The following RTL9 variants were observed in gnomAD, a reference collection of about 807,000 sequenced individuals.
The protein encoded by RTL9 is retrotransposon Gag-like protein 9.
Under a neutral mutation model 44.7 loss-of-function variants are expected in RTL9, and 19 were observed. The ratio of observed to expected loss-of-function variants is 0.42; its 90% CI spans 0.30 to 0.62. RTL9 has a LOEUF of 0.62. Ranked by LOEUF, RTL9 falls within the 20% of genes least tolerant of loss-of-function variation. RTL9 has a pLI of 0.16. For missense variants in RTL9, 1,105 were observed against 1,080.6 expected (o/e 1.02, Z -0.32); for synonymous variants, 407 against 398.9 (o/e 1.02, Z -0.24).
chrX:110,408,671 C>T (rs767058770), intron 1 of RTL9, among the ~76,000 whole-genome samples: 1 of 112,235 alleles, frequency 8.9e-6, no homozygotes, highest in African/African-American at 3.2e-5. Context: ...ATCATGTCAA[C>T]AATTGTGATG....
intron 1 of RTL9, among the ~76,000 whole-genome samples, chrX:110,408,317 C>G (rs981611284): frequency 8.9e-6 from 1 of 111,844 alleles, no homozygotes; most frequent in East Asian, 2.8e-4. Context: ...TGGTGGCTCT[C>G]AACTGAGACA....
chrX:110,401,471 C>A (rs958240501), intron 1 of RTL9, among the ~76,000 whole-genome samples: 1 of 111,745 alleles, frequency 8.9e-6, no homozygotes, highest in African/African-American at 3.3e-5. Flanking sequence ...CTGCCTTAAC[C>A]TAACCTTTTC....
exon 1 of RTL9, chrX:110,453,937 C>T (rs1418349404): frequency 2.5e-6 from 3 of 1,210,400 alleles, no homozygotes; most frequent in East Asian, 3.0e-5. Context: ...GAGGCATCCA[C>T]CTCTCACATT....
intron 1 of RTL9, among the ~76,000 whole-genome samples, chrX:110,380,323 A>T (rs775327005): frequency 9.1e-6 from 1 of 109,410 alleles, no homozygotes; most frequent in Admixed American, 9.6e-5. Flanking sequence ...GAGCCAAATC[A>T]AGAATGCAAT....
upstream of RTL9, among the ~76,000 whole-genome samples, chrX:110,415,735 C>T (rs2068672749): frequency 9.0e-6 from 1 of 111,421 alleles, no homozygotes; most frequent in Non-Finnish European, 1.9e-5. Context: ...AGCTGGGCCG[C>T]AAACAAAGAT....
intron 1 of RTL9, among the ~76,000 whole-genome samples, chrX:110,405,413 C>T (rs1020444279): frequency 6.3e-5 from 7 of 111,372 alleles, no homozygotes; most frequent in African/African-American, 2.3e-4. Context: ...AGGTATGGAA[C>T]TTTTGGAGAA....
At chrX:110,431,208 A>G (rs2068793543) in intron 1 of RTL9, among the ~76,000 whole-genome samples, 1 of 111,839 alleles carries the variant, frequency 8.9e-6, no homozygotes, top group African/African-American at 3.3e-5. Flanking sequence ...TGGTGGAATA[A>G]TATCTCCAGT....
rs2068965125 is a variant in RTL9, at chrX:110,454,041, G to A, written c.3424G>A (p.Gly1142Arg). The A allele has an allele frequency of 5.0e-6, 6 of 1,210,359 alleles. No homozygotes were observed. Among genetic ancestry groups the A allele is most frequent in the Admixed American group, 2.2e-5 (1 of 45,855 alleles). Residue 1142 changes from glycine to arginine, a missense_variant, in exon 1 of 2, where the codon GGA becomes AGA. By Grantham distance (125) the Gly-to-Arg change is moderately radical (BLOSUM62 -2). Coordinates refer to ENST00000540313, the Ensembl canonical transcript of RTL9. The stretch of plus-strand genomic sequence containing the variant: ...ACCACCAAAGGAAGTGCCATCCTTC[G>A]GAATGTTGACCCCAGCACTCTGCTA...
At chrX:110,423,254 G>C (rs767019168) in intron 1 of RTL9, among the ~76,000 whole-genome samples, 23 of 110,497 alleles carry the variant, frequency 2.1e-4, no homozygotes, top group Non-Finnish European at 4.2e-4. Flanking sequence ...CTTGAACCTG[G>C]GAGGTTGAGG....
intron 1 of RTL9, among the ~76,000 whole-genome samples, chrX:110,378,001 T>A (rs1602946781): frequency 3.1e-5 from 2 of 65,106 alleles, no homozygotes; most frequent in South Asian, 1.9e-3. Flanking sequence ...AGAGCGAGAC[T>A]CCGTCTCAAA....
At chrX:110,425,997 C>G (rs777587643) in intron 1 of RTL9, among the ~76,000 whole-genome samples, 2 of 110,863 alleles carry the variant, frequency 1.8e-5, no homozygotes, top group African/African-American at 6.7e-5. Context: ...CACACACACA[C>G]AAACGCACAC....
At position 110,453,421 on chromosome X, in the gene RTL9, A is replaced by G. The variant is rs752820274; in HGVS notation, c.2804A>G (p.His935Arg). 4 of 1,208,969 alleles carry G rather than the reference A, an allele frequency of 3.3e-6. No homozygotes were observed. The highest frequency in any genetic ancestry group is 1.8e-5 in the African/African-American group (1 of 56,764). The stretch of plus-strand genomic sequence containing the variant: ...TTAATGAGAGCTTCAGCCTCTGGAC[A>G]TATGTCCACTGCACAAACAACAGCC... Residue 935 changes from histidine (H) to arginine (R), a missense_variant, in exon 1 of 2, where the codon CAT becomes CGT. Coordinates refer to ENST00000540313, the Ensembl canonical transcript of RTL9.
chrX:110,445,637 T>C (rs920868033), upstream of RTL9, among the ~76,000 whole-genome samples: 8 of 112,057 alleles, frequency 7.1e-5, no homozygotes, highest in Admixed American at 2.8e-4. Flanking sequence ...GGAAAGAATA[T>C]TGTTGAGAAT....
intron 1 of RTL9, among the ~76,000 whole-genome samples, chrX:110,431,454 G>A (rs2068796147): frequency 9.1e-6 from 1 of 109,918 alleles, no homozygotes; most frequent in Non-Finnish European, 1.9e-5. Context: ...TAACTCACCA[G>A]TTCACATGGG....
intron 1 of RTL9, among the ~76,000 whole-genome samples, chrX:110,392,227 C>T (rs892810537): frequency 1.8e-5 from 2 of 109,983 alleles, no homozygotes; most frequent in Non-Finnish European, 3.8e-5. Flanking sequence ...GGGTCCAGAA[C>T]CCAAAATGTA....
chrX:110,403,439 CACAG>C (rs1220755892), intron 1 of RTL9, among the ~76,000 whole-genome samples: 7 of 112,005 alleles, frequency 6.2e-5, no homozygotes, highest in East Asian at 2.8e-4. Flanking sequence ...CACAGACACA[CACAG>C]ACAGACAGAC....
upstream of RTL9, chrX:110,450,513 T>C (rs749806680): frequency 5.6e-6 from 4 of 708,625 alleles, no homozygotes; most frequent in Non-Finnish European, 6.3e-6. Context: ...TTTGTCTGTT[T>C]CCAAATCTTC....
chrX:110,438,379 T>A (rs1005608170), intron 1 of RTL9, among the ~76,000 whole-genome samples: 1 of 111,885 alleles, frequency 8.9e-6, no homozygotes, highest in African/African-American at 3.2e-5. Context: ...GGACATAAAA[T>A]TCAGGCTTCT....
chrX:110,422,289 C>T (rs2068723066), intron 1 of RTL9, among the ~76,000 whole-genome samples: 1 of 113,008 alleles, frequency 8.8e-6, no homozygotes, highest in African/African-American at 3.2e-5. Context: ...GCTGGGCTCC[C>T]TTTTCTGGCA....
Sources: allele counts gnomAD v4.1 joint callset (sites outside exome capture counted in the v4.1 genomes callset), GRCh38; gene constraint gnomAD v4.1.1; transcripts MANE v1.5; gene names NCBI Gene and HGNC (gene_info 2026-07-23, HGNC 2026-07-21).